Variants in PIK3C2B observed in about 807,000 individuals in gnomAD.
PIK3C2B encodes the protein phosphatidylinositol-4-phosphate 3-kinase catalytic subunit type 2 beta, also known as phosphatidylinositol 4-phosphate 3-kinase C2 domain-containing subunit beta.
A neutral mutation model predicts 184.3 loss-of-function variants in PIK3C2B; 83 were observed. The observed-to-expected ratio is 0.45, with a 90% confidence interval of 0.38 to 0.54. PIK3C2B has a LOEUF of 0.54. PIK3C2B is among the 20% of genes least tolerant of loss of function. The probability of loss-of-function intolerance (pLI) is 0.00; values close to 1 mark genes in which losing one functional copy is unlikely to be tolerated. For synonymous variants in PIK3C2B, 779 were observed against 837.6 expected, an observed-to-expected ratio of 0.93 and a Z score of 1.21; for missense variants, 1,736 against 2,113.5, an observed-to-expected ratio of 0.82 and a Z score of 3.50.
At position 204,447,512 on chromosome 1, in the gene PIK3C2B, G is replaced by A. The variant is rs749588530; in HGVS notation, c.2413C>T (p.Arg805Cys). The A allele has an allele frequency of 1.4e-5, 22 of 1,612,648 alleles. No individual in the cohort carries two copies. Among genetic ancestry groups the A allele is most frequent in the African/African-American group, 1.2e-4 (9 of 74,824 alleles). ...TSPPGDKFSP[R>C]YEFGSLREED... ...TCCCGGAGGCTGCCAAACTCATAGC[G>A]GGGGCTGAACTTGTCTCCAGGGGGG... Residue 805 changes from arginine (R) to cysteine (C), a missense_variant, in exon 15 of 33, where the codon CGC (arginine) becomes TGC (cysteine). By Grantham distance (180) the Arg-to-Cys change is radical (BLOSUM62 -3). Transcript: ENST00000684373. This position sits in a 1 kb window ranked among gnomAD's most constrained non-coding sequence, Gnocchi z 4.1.
chr1:204,439,624 TTC>T (rs199897184), intron 22 of PIK3C2B, among the ~76,000 whole-genome samples: 5 of 151,418 alleles, frequency 3.3e-5, no homozygotes, highest in African/African-American at 1.2e-4. Context: ...GTCTCTCTCC[TTC>T]TCTCTCTCTC....
chr1:204,454,752 G>T lies in PIK3C2B; in HGVS notation c.1983C>A (p.Gly661=), dbSNP rs376149688. Residue 661 remains glycine, a synonymous_variant, in exon 12 of 33, where the codon GGC becomes GGA. Coordinates refer to ENST00000684373, the MANE Select transcript of PIK3C2B (RefSeq NM_001377334.1). ...GCAGGGGGCTGCACAGCTCCTTGCC[G>T]CCATGGCTGAGGGAGCAGGAGAGGT... ...DFYLSCSLSH[G]GKELCSPLQT... is the part of the protein sequence containing the mutation. 6.2e-7 allele frequency: 1 copy of T among 1,613,404 alleles called. No homozygotes were observed. Among genetic ancestry groups the T allele is most frequent in the Non-Finnish European group, 8.5e-7 (1 of 1,179,940 alleles).
chr1:204,427,600 A>T, intron 31 of PIK3C2B, 48 bp downstream of exon 31: 1 of 1,328,776 alleles, frequency 7.5e-7, no homozygotes, highest in South Asian at 1.2e-5. Flanking sequence ...AAAAGTAGCT[A>T]AAGAAACATT....
chr1:204,456,596 A>T (rs1235349868), intron 10 of PIK3C2B, among the ~76,000 whole-genome samples: 3 of 152,084 alleles, frequency 2.0e-5, no homozygotes, highest in Non-Finnish European at 4.4e-5. Context: ...ATCCTAGAAA[A>T]ATCGTAGGGA....
At chr1:204,442,654 A>G in intron 19 of PIK3C2B, 21 bp from the exon 20 acceptor site, 1 of 1,483,984 alleles carries the variant, frequency 6.7e-7, no homozygotes, top group Non-Finnish European at 9.2e-7. Flanking sequence ...GGGGAGGAGT[A>G]CAGCAGGGGT....
chr1:204,425,259 G>A lies in PIK3C2B; in HGVS notation c.4717-219C>T, dbSNP rs557559459. The stretch of plus-strand genomic sequence containing the variant: ...TTCTTTGCTCAGAGTTCAAGCAGGT[G>A]AGGGCTTTGTATTGGGGCCACTGCT... On this transcript the variant is annotated intron_variant, in intron 32 of 32. Coordinates refer to ENST00000684373, the MANE Select transcript of PIK3C2B (RefSeq NM_001377334.1). 3.3e-5 allele frequency among the ~76,000 whole-genome samples: 5 copies of A among 152,252 alleles called. No homozygotes were observed. The South Asian group carries it at 1.0e-3, about 32-fold the overall frequency.
At chr1:204,463,573 A>G (rs1045252310) in intron 5 of PIK3C2B, among the ~76,000 whole-genome samples, 8 of 152,164 alleles carry the variant, frequency 5.3e-5, no homozygotes, top group African/African-American at 1.9e-4. Context: ...GGGGAGAGAC[A>G]GTAATTGTAA....
At chr1:204,486,138 G>A (rs1300274337) in intron 1 of PIK3C2B, among the ~76,000 whole-genome samples, 6 of 152,186 alleles carry the variant, frequency 3.9e-5, no homozygotes, top group Admixed American at 3.3e-4. Flanking sequence ...GCTCACGCCT[G>A]TAATCCCAGC....
chr1:204,481,136 T>A (rs2103530381), intron 1 of PIK3C2B, among the ~76,000 whole-genome samples: 1 of 150,348 alleles, frequency 6.7e-6, no homozygotes, highest in Non-Finnish European at 1.5e-5. Context: ...CCCATGCTTA[T>A]CCCATACCCC....
rs1558227901 is a variant in PIK3C2B at position 204,427,697 on chromosome 1, G to T, written c.4538C>A (p.Ser1513Tyr). 3.1e-6 allele frequency: 5 copies of T among 1,614,098 alleles called. No individual in the cohort carries two copies. Among genetic ancestry groups the T allele is most frequent in the Non-Finnish European group, 4.2e-6 (5 of 1,179,966 alleles). The change falls in exon 31 of 33, where the codon TCC becomes TAC. Residue 1513 changes from serine to tyrosine, a missense_variant. By Grantham distance (144) the Ser-to-Tyr change is moderately radical. Coordinates refer to ENST00000684373, the MANE Select transcript of PIK3C2B (RefSeq NM_001377334.1). ...KVGGEVKLSISYKNNKLFIMV... is the reference protein window; with the variant it reads ...KVGGEVKLSIYYKNNKLFIMV... The stretch of plus-strand genomic sequence containing the variant: ...GATGAAGAGTTTATTGTTTTTGTAG[G>T]AGATGGACAGCTTCACCTCCCCTCC...
chr1:204,446,086 C>T lies in PIK3C2B; in HGVS notation c.2548G>A (p.Val850Met), dbSNP rs748201794. ...GCGAGCACCAGGGGGAGCGAGCTCA[C>T]CTCCGAGTGGCAGTAATATCGCTTC... is the stretch of plus-strand genomic sequence containing the variant. ...WEKRYYCHSE[V>M]SSLPLVLASA... Residue 850 changes from valine to methionine, a missense_variant, in exon 16 of 33, where the codon GTG (valine) becomes ATG (methionine). Val to Met is a conservative substitution (Grantham distance 21). Coordinates refer to ENST00000684373, the MANE Select transcript of PIK3C2B (RefSeq NM_001377334.1). The T allele has an allele frequency of 8.1e-6, 13 of 1,596,376 alleles. No homozygotes were observed. Among genetic ancestry groups the T allele is most frequent in the Non-Finnish European group, 1.0e-5 (12 of 1,169,032 alleles).
At chr1:204,490,520 G>C (rs569209358) in intron 1 of PIK3C2B, 1 of 152,196 alleles carries the variant, frequency 6.6e-6, no homozygotes, top group African/African-American at 2.4e-5. Context: ...CGGGGTAGGC[G>C]TTCAGTTCCA....
In PIK3C2B at chr1:204,440,183, C is replaced by T. The variant is rs763667146; in HGVS notation, c.3379+9G>A. 63 of 1,610,566 alleles carry T rather than the reference C, an allele frequency of 3.9e-5. No individual in the cohort carries two copies. The highest frequency in any genetic ancestry group is 8.5e-7 in the Non-Finnish European group (1 of 1,178,274). On this transcript the variant is annotated intron_variant, in intron 22 of 32. Coordinates refer to ENST00000684373, the MANE Select transcript of PIK3C2B (RefSeq NM_001377334.1). ...CCCTCCTCCACCCTCACCCCTACTC[C>T]CAACTGACCTCTGCCCCGGCCGGTG...
chr1:204,483,040 C>T (rs560222088), intron 1 of PIK3C2B, among the ~76,000 whole-genome samples: 4 of 152,248 alleles, frequency 2.6e-5, no homozygotes, highest in African/African-American at 7.2e-5. Flanking sequence ...TTGCACCTGA[C>T]TCTTAGGGCC....
At chr1:204,470,466 C>A (rs747682866) in intron 1 of PIK3C2B, among the ~76,000 whole-genome samples, 11 of 152,162 alleles carry the variant, frequency 7.2e-5, no homozygotes, top group Admixed American at 2.6e-4. Context: ...CCACGCCCAG[C>A]CAAGAGGCAC....
rs1241549868 is a variant in PIK3C2B at position 204,468,555 on chromosome 1, A to G, written c.933+315T>C. 1.3e-5 allele frequency among the ~76,000 whole-genome samples: 2 copies of G among 152,094 alleles called. 1 individual carries two copies. The highest frequency in any genetic ancestry group is 1.3e-4 in the Admixed American group (2 of 15,272). ...CAGCCAGTCAATAATGAATCCCATA[A>G]CTCCCAATTCAGTCCTTACATCAGG... is the stretch of plus-strand genomic sequence containing the variant. On this transcript the variant is annotated intron_variant, in intron 2 of 32. Coordinates refer to ENST00000684373, the MANE Select transcript of PIK3C2B (RefSeq NM_001377334.1).
At position 204,460,546 on chromosome 1, in the gene PIK3C2B, G is replaced by A. The variant is rs373022234; in HGVS notation, c.1422+4C>T. The A allele has an allele frequency of 1.2e-5, 19 of 1,611,292 alleles. No homozygotes were observed. The highest frequency in any genetic ancestry group is 6.7e-5 in the African/African-American group (5 of 74,798). Reference sequence around the variant, plus strand: ...GGGCAACCCTCCACCACCCTCACACGAACCGTCCGGGCCAGGTCACTGCGC... The same window carrying A: ...GGGCAACCCTCCACCACCCTCACACAAACCGTCCGGGCCAGGTCACTGCGC... On this transcript the variant is annotated splice_donor_region_variant and intron_variant, in intron 6 of 32. Transcript: ENST00000684373.
At chr1:204,440,662 T>C (rs1675605435) in intron 21 of PIK3C2B, among the ~76,000 whole-genome samples, 1 of 143,308 alleles carries the variant, frequency 7.0e-6, no homozygotes, top group South Asian at 2.2e-4. Context: ...AGTGGCACGA[T>C]CTCAGCTCAC....
rs1255968377 is a variant in PIK3C2B at position 204,424,380 on chromosome 1, C to A, written c.*472G>T. ...GGAAAAGTCCAATAAGAACCTTAAT[C>A]ATACAAAAAGTCCAAATAGTCTTCC... is the stretch of plus-strand genomic sequence containing the variant. On this transcript the variant is annotated 3_prime_UTR_variant, in exon 33 of 33. Transcript: ENST00000684373. 8.8e-6 allele frequency: 2 copies of A among 226,030 alleles called. No homozygotes were observed. The highest frequency in any genetic ancestry group is 5.0e-5 in the Admixed American group (1 of 19,852). 14.0% of individuals were successfully genotyped at this position (226,030 alleles called of 1,614,324 possible). A position where few individuals can be genotyped will look rare whatever the true frequency, so the allele number is the denominator to read the frequency against.
Sources: gnomAD v4.1 joint callset for allele counts (sites outside exome capture counted in the v4.1 genomes callset) on GRCh38, gnomAD v4.1.1 for gene constraint, Gnocchi (gnomAD v3.1) non-coding constraint, MANE v1.5 for transcripts, NCBI Gene and HGNC (gene_info 2026-07-23, HGNC 2026-07-21) for gene names.